Variants in ZNF836 observed in about 807,000 individuals in gnomAD.
ZNF836 encodes zinc finger protein 836.
A neutral mutation model predicts 7.4 loss-of-function variants in ZNF836; 12 were observed. That is an observed-to-expected ratio of 1.61 (90% CI 1.03 to 2.61). ZNF836 has a LOEUF of 2.61. Ranked by LOEUF, ZNF836 falls within the 30% of genes most tolerant of loss-of-function variation. The pLI is 0.00. For synonymous variants in ZNF836, 365 were observed against 382.6 expected (o/e 0.95, Z 0.54); for missense variants, 998 against 1,126.2 (o/e 0.89, Z 1.63).
chr19:52,160,717 G>A, intron 3 of ZNF836, 126 bp from the exon 4 acceptor site: 1 of 1,192,680 alleles, frequency 8.4e-7, no homozygotes, highest in Non-Finnish European at 1.2e-6. Flanking sequence ...CAAGGCATCT[G>A]TGAGAAGGTT....
In ZNF836 at chr19:52,169,062, C is replaced by T. The variant is rs550460090; in HGVS notation, c.-81+586G>A. On this transcript the variant is annotated intron_variant, in intron 2 of 4. Coordinates refer to ENST00000682614, the MANE Select transcript of ZNF836 (RefSeq NM_001102657.3). ...ACCGTGGTGTCTATACTGTATTGGA[C>T]ACTTTAACAGTTTGGAAAGTTTTTG... Among the ~76,000 whole-genome samples, 5 of 152,200 alleles carry T rather than the reference C, an allele frequency of 3.3e-5. No individual in the cohort carries two copies. The East Asian group carries it at 9.7e-4, about 29-fold the overall frequency.
At chr19:52,158,095 G>A (rs2089182664) in intron 4 of ZNF836, among the ~76,000 whole-genome samples, 1 of 152,058 alleles carries the variant, frequency 6.6e-6, no homozygotes, top group African/African-American at 2.4e-5. Context: ...AGGAAACCTA[G>A]TTTCAAACAT....
At chr19:52,158,680 T>G (rs2089187659) in intron 4 of ZNF836, among the ~76,000 whole-genome samples, 1 of 151,980 alleles carries the variant, frequency 6.6e-6, no homozygotes, top group African/African-American at 2.4e-5. Context: ...GAGGCAGAGG[T>G]TGTAGTGAGC....
Position 52,155,134 on chromosome 19 carries a change from AC to A in ZNF836, c.2548del (p.Val850CysfsTer33). 1 of 1,613,958 alleles carries A rather than the reference AC, an allele frequency of 6.2e-7. No individual in the cohort carries two copies. The highest frequency in any genetic ancestry group is 8.5e-7 in the Non-Finnish European group (1 of 1,179,964). The part of the protein sequence containing the change: ...GKAFIERSKL[V>X]YHQRNHTGEK... ...TCCAGTGTGATTTCTTTGATGGTAC[AC>A]CAGCTTTGACCTTTCAATAAAAGCT... On this transcript the variant is annotated frameshift_variant, in exon 5 of 5. Transcript: ENST00000682614. LOFTEE classifies it low-confidence loss of function (END_TRUNC).
rs2089171686 is a variant in ZNF836 at position 52,157,150 on chromosome 19, G to A, written c.533C>T (p.Ser178Leu). 6.2e-7 allele frequency: 1 copy of A among 1,612,998 alleles called. No homozygotes were observed. The highest frequency in any genetic ancestry group is 1.7e-5 in the Admixed American group (1 of 59,908). ...EKTVNNSSLVSPLQRILPSVQ... is the reference protein window; with the variant it reads ...EKTVNNSSLVLPLQRILPSVQ... The stretch of plus-strand genomic sequence containing the variant: ...ACTAGGAAGAATTCTTTGAAGTGGT[G>A]AAACTAGGGAACTGTTATTAACTGT... Residue 178 changes from serine (S) to leucine (L), a missense_variant, in exon 5 of 5, where the codon TCA becomes TTA. Coordinates refer to ENST00000682614, the MANE Select transcript of ZNF836 (RefSeq NM_001102657.3).
At position 52,157,335 on chromosome 19, in the gene ZNF836, A is replaced by G. The variant is rs758245399; in HGVS notation, c.348T>C (p.Tyr116=). Residue 116 remains tyrosine, a synonymous_variant, in exon 5 of 5, where the codon TAT becomes TAC. Coordinates refer to ENST00000682614, the MANE Select transcript of ZNF836 (RefSeq NM_001102657.3). ...CTCTTTTACCATTAAGATTGTTTTT[A>G]TAGGTCATTGGCACTTCTTTATAAT... The part of the protein sequence containing the change: ...EINYKEVPMT[Y]KNNLNGKRGQ... The G allele has an allele frequency of 1.4e-5, 22 of 1,605,668 alleles. No homozygotes were observed. Among genetic ancestry groups the G allele is most frequent in the Non-Finnish European group, 1.8e-5 (21 of 1,177,348 alleles).
At position 52,155,552 on chromosome 19, in the gene ZNF836, T is replaced by G; in HGVS notation, c.2131A>C (p.Arg711=). 1 of 1,614,016 alleles carries G rather than the reference T, an allele frequency of 6.2e-7. No individual in the cohort carries two copies. Among genetic ancestry groups the G allele is most frequent in the Non-Finnish European group, 8.5e-7 (1 of 1,179,902 alleles). Residue 711 remains arginine, a synonymous_variant, in exon 5 of 5, where the codon AGA becomes CGA. Transcript: ENST00000682614. The part of the protein sequence containing the change: ...GAFIQSSKLA[R]YHRNPTGEKP... Reference sequence around the variant, plus strand: ...TCCCCAGTAGGATTTCTGTGATATCTTGCAAGTTTTGAACTTTGGATAAAT... The same window carrying G: ...TCCCCAGTAGGATTTCTGTGATATCGTGCAAGTTTTGAACTTTGGATAAAT...
At chr19:52,157,868 C>T (rs183398045) in intron 4 of ZNF836, among the ~76,000 whole-genome samples, 5 of 152,056 alleles carry the variant, frequency 3.3e-5, no homozygotes, top group South Asian at 4.2e-4. Context: ...TGCGCCTGGC[C>T]GAACATAGAT....
intron 4 of ZNF836, among the ~76,000 whole-genome samples, chr19:52,158,544 A>G (rs2089186555): frequency 6.6e-6 from 1 of 152,020 alleles, no homozygotes; most frequent in African/African-American, 2.4e-5. Flanking sequence ...GGAGTTCGAG[A>G]CTAGCCTGGC....
At chr19:52,164,589 G>A (rs562208835) in intron 3 of ZNF836, among the ~76,000 whole-genome samples, 9 of 152,220 alleles carry the variant, frequency 5.9e-5, no homozygotes, top group Non-Finnish European at 1.3e-4. Context: ...TCAGACAGAA[G>A]AAGGAATCAG....
At chr19:52,157,673 C>G (rs547461145) in intron 4 of ZNF836, 133 bp from the exon 5 acceptor site, 4 of 802,132 alleles carry the variant, frequency 5.0e-6, no homozygotes, top group Admixed American at 7.4e-5. Context: ...TGGGTTCGAG[C>G]TATTCTTCTG....
At chr19:52,166,711 C>T (rs1487122496) in intron 3 of ZNF836, among the ~76,000 whole-genome samples, 1 of 151,436 alleles carries the variant, frequency 6.6e-6, no homozygotes, top group East Asian at 2.0e-4. Context: ...GTAGCTGGGA[C>T]TACAGGCCCC....
At chr19:52,157,873 A>G (rs1051471136) in intron 4 of ZNF836, among the ~76,000 whole-genome samples, 10 of 152,110 alleles carry the variant, frequency 6.6e-5, no homozygotes, top group African/African-American at 2.4e-4. Context: ...CTGGCCGAAC[A>G]TAGATTTTAA....
In ZNF836 at chr19:52,168,050, C is replaced by A. The variant is rs1311808619; in HGVS notation, c.15+8G>T. The A allele has an allele frequency of 2.5e-5, 40 of 1,598,414 alleles. No homozygotes were observed. Among genetic ancestry groups the A allele is most frequent in the Non-Finnish European group, 3.4e-5 (40 of 1,166,564 alleles). On this transcript the variant is annotated splice_region_variant and intron_variant, in intron 3 of 4. Coordinates refer to ENST00000682614, the MANE Select transcript of ZNF836 (RefSeq NM_001102657.3). ...AGACAGAATGATCCACTAAGAATAT[C>A]ATTTTACCTGTGTAAGAGCCATCCC...
chr19:52,166,730 C>T (rs534518244), intron 3 of ZNF836, among the ~76,000 whole-genome samples: 10 of 151,564 alleles, frequency 6.6e-5, no homozygotes, highest in East Asian at 1.9e-4. Context: ...CCCGCCACCA[C>T]GCCCAGCTAA....
intron 3 of ZNF836, among the ~76,000 whole-genome samples, chr19:52,162,694 C>T (rs889523181): frequency 3.9e-5 from 6 of 152,264 alleles, no homozygotes; most frequent in East Asian, 1.9e-4. Flanking sequence ...GTAACTCAGT[C>T]GGCCGTTTGG....
Position 52,155,978 on chromosome 19 carries a change from G to A in ZNF836, c.1705C>T (p.Leu569Phe), listed in dbSNP as rs772022602. Reference protein sequence around the residue: ...CGKVFNYSGNLSIHKRIHTGE... With the variant: ...CGKVFNYSGNFSIHKRIHTGE... ...GTATGTATTCTCTTATGAATTGAAA[G>A]GTTTCCACTGTAATTGAAGACCTTG... is the stretch of plus-strand genomic sequence containing the variant. Residue 569 changes from leucine to phenylalanine, a missense_variant, in exon 5 of 5, where the codon CTT (leucine) becomes TTT (phenylalanine). By Grantham distance (22) the Leu-to-Phe change is conservative. Coordinates refer to ENST00000682614, the MANE Select transcript of ZNF836 (RefSeq NM_001102657.3). The A allele has an allele frequency of 5.0e-6, 8 of 1,613,962 alleles. No homozygotes were observed. Among genetic ancestry groups the A allele is most frequent in the East Asian group, 2.2e-5 (1 of 44,886 alleles).
intron 2 of ZNF836, 134 bp from the exon 3 acceptor site, chr19:52,168,286 T>C: frequency 1.8e-6 from 1 of 564,656 alleles, no homozygotes; most frequent in Non-Finnish European, 3.1e-6. Context: ...GGATAATAAA[T>C]TCCTAAACAA....
At position 52,156,216 on chromosome 19, in the gene ZNF836, C is replaced by T. The variant is rs1425758732; in HGVS notation, c.1467G>A (p.Arg489=). 6.2e-7 allele frequency: 1 copy of T among 1,614,192 alleles called. No individual in the cohort carries two copies. Among genetic ancestry groups the T allele is most frequent in the East Asian group, 2.2e-5 (1 of 44,884 alleles). Residue 489 remains arginine (R), a synonymous_variant, in exon 5 of 5, where the codon CGG becomes CGA. Coordinates refer to ENST00000682614, the MANE Select transcript of ZNF836 (RefSeq NM_001102657.3). The part of the protein sequence containing the change: ...FSQTSHLVGH[R]RIHTGEKPYK... ...AAGGTTTCTCTCCAGTATGAATTCT[C>T]CGATGCCCCACAAGATGTGAAGTCT...
Sources: allele counts gnomAD v4.1 joint callset (sites outside exome capture counted in the v4.1 genomes callset), GRCh38; gene constraint gnomAD v4.1.1; transcripts MANE v1.5; gene names NCBI Gene and HGNC (gene_info 2026-07-23, HGNC 2026-07-21).